Variants in NTNG1 observed in about 807,000 individuals in gnomAD.
NTNG1 encodes the protein netrin-G1.
In NTNG1, 16 loss-of-function variants were observed where a neutral mutation model predicts 54.0. That is an observed-to-expected ratio of 0.30 (90% CI 0.20 to 0.45). The LOEUF (loss-of-function observed/expected upper bound fraction) is 0.45. Ranked by LOEUF, NTNG1 falls within the 20% of genes least tolerant of loss-of-function variation. NTNG1 has a pLI of 1.00. For missense variants in NTNG1, 530 were observed against 678.7 expected, an observed-to-expected ratio of 0.78 and a Z score of 2.43; for synonymous variants, 255 against 263.1, an observed-to-expected ratio of 0.97 and a Z score of 0.30.
chr1:107,148,064 A>G lies in NTNG1; in HGVS notation c.-525-5A>G, dbSNP rs574594063. On this transcript the variant is annotated splice_polypyrimidine_tract_variant and splice_region_variant and intron_variant, in intron 1 of 7. Coordinates refer to ENST00000370068, the MANE Select transcript of NTNG1 (RefSeq NM_001113226.3). ...AATAACACTTACTCTTATTGTTTCT[A>G]AAAGGGTGTTGGTGCCAGAAGAAAA... 6.5e-6 allele frequency: 1 copy of G among 154,894 alleles called. No individual in the cohort carries two copies. Among genetic ancestry groups the G allele is most frequent in the South Asian group, 2.0e-4 (1 of 4,996 alleles). 9.6% of individuals were successfully genotyped at this position (154,894 alleles called of 1,614,324 possible).
At chr1:107,373,705 AT>A (rs541295759) in intron 3 of NTNG1, among the ~76,000 whole-genome samples, 5 of 135,958 alleles carry the variant, frequency 3.7e-5, no homozygotes, top group Non-Finnish European at 6.4e-5. Flanking sequence ...TTATTTATTT[AT>A]TTTTTTTCAA....
intron 2 of NTNG1, among the ~76,000 whole-genome samples, chr1:107,276,677 T>C (rs1187399786): frequency 6.6e-6 from 1 of 152,108 alleles, no homozygotes; most frequent in Non-Finnish European, 1.5e-5. Context: ...ATTCAATCTC[T>C]GTATCTTAAG....
chr1:107,146,817 C>G (rs1169430480), intron 1 of NTNG1, among the ~76,000 whole-genome samples: 1 of 151,850 alleles, frequency 6.6e-6, no homozygotes, highest in African/African-American at 2.4e-5. Context: ...ATTTCATAGT[C>G]TCTGTGGCTT....
intron 2 of NTNG1, among the ~76,000 whole-genome samples, chr1:107,183,824 C>A (rs1570785342): frequency 6.6e-6 from 1 of 152,112 alleles, no homozygotes; most frequent in East Asian, 1.9e-4. Context: ...TAGCCCCCTT[C>A]CCCCAAAACT....
chr1:107,372,489 G>A (rs1181039662), intron 3 of NTNG1, among the ~76,000 whole-genome samples: 2 of 151,982 alleles, frequency 1.3e-5, no homozygotes, highest in African/African-American at 4.8e-5. Context: ...ACATTTTTCT[G>A]TTATGAATTT....
Position 107,477,630 on chromosome 1 carries a change from C to T in NTNG1, c.1391-2981C>T, listed in dbSNP as rs201603730. ...CCTGATGAATGCCTTTGCTCAAATACAATCTCTTTTTTATAATCTCCCTTA... is the reference window on the plus strand; with the variant it reads ...CCTGATGAATGCCTTTGCTCAAATATAATCTCTTTTTTATAATCTCCCTTA... On this transcript the variant is annotated intron_variant, in intron 7 of 7. Coordinates refer to ENST00000370068, the MANE Select transcript of NTNG1 (RefSeq NM_001113226.3). Among the ~76,000 whole-genome samples the T allele has an allele frequency of 2.0e-5, 3 of 152,200 alleles. No individual in the cohort carries two copies. The East Asian group carries it at 5.8e-4, about 29-fold the overall frequency.
At chr1:107,294,325 A>C (rs985803660) in intron 2 of NTNG1, among the ~76,000 whole-genome samples, 1 of 152,186 alleles carries the variant, frequency 6.6e-6, no homozygotes, top group African/African-American at 2.4e-5. Context: ...CCTAGGCTAC[A>C]GCATGGTATG....
In NTNG1 at chr1:107,324,397, C is replaced by A; in HGVS notation, c.362C>A (p.Ala121Asp). 6.2e-7 allele frequency: 1 copy of A among 1,613,798 alleles called. No homozygotes were observed. The highest frequency in any genetic ancestry group is 8.5e-7 in the Non-Finnish European group (1 of 1,179,800). ...CATCCCTCCACATTTTGGCAGTCTG[C>A]CACTTGGAAGGAGTATCCCAAGCCT... ...GRHPSTFWQSATWKEYPKPLQ... is the reference protein window; with the variant it reads ...GRHPSTFWQSDTWKEYPKPLQ... Residue 121 changes from alanine (A) to aspartate (D), a missense_variant, in exon 3 of 8, where the codon GCC becomes GAC. Around this residue, in one of 2 missense-constraint regions of NTNG1, gnomAD observed 318 missense variants for 465.1 expected, o/e 0.68. Coordinates refer to ENST00000370068, the MANE Select transcript of NTNG1 (RefSeq NM_001113226.3).
At position 107,325,814 on chromosome 1, in the gene NTNG1, G is replaced by A. The variant is rs12021629; in HGVS notation, c.887+892G>A. Among the ~76,000 whole-genome samples the A allele has an allele frequency of 6.8e-4, 104 of 152,072 alleles. 3 individuals carry two copies. In the East Asian group the frequency reaches 0.019, roughly 27 times the overall value. On this transcript the variant is annotated intron_variant, in intron 3 of 7. Transcript: ENST00000370068. ...AGCAGAGTATCTAGCAAAGGGAAAG[G>A]CAAGCAAAGAAATAACACCCCAGTA...
intron 3 of NTNG1, among the ~76,000 whole-genome samples, chr1:107,377,371 A>G (rs1199738043): frequency 2.0e-5 from 3 of 152,184 alleles, no homozygotes; most frequent in Non-Finnish European, 4.4e-5. Flanking sequence ...TTATCCCTCT[A>G]AAGCCCACCT....
intron 2 of NTNG1, among the ~76,000 whole-genome samples, chr1:107,211,362 AAT>A (rs1484823043): frequency 1.3e-5 from 2 of 152,258 alleles, no homozygotes; most frequent in African/African-American, 4.8e-5. Context: ...TGTAATATAT[AAT>A]ATATATTTGA....
At chr1:107,469,097 CAAAAAAAA>C (rs35394442) in intron 7 of NTNG1, among the ~76,000 whole-genome samples, 1 of 115,640 alleles carries the variant, frequency 8.6e-6, no homozygotes, top group Non-Finnish European at 1.7e-5. Flanking sequence ...AACTCCATTT[CAAAAAAAA>C]AAAAAAAAAA....
At chr1:107,375,183 T>C (rs1671155274) in intron 3 of NTNG1, among the ~76,000 whole-genome samples, 1 of 152,160 alleles carries the variant, frequency 6.6e-6, no homozygotes, top group African/African-American at 2.4e-5. Context: ...GCAATTCTTT[T>C]CTCTCCAGTA....
chr1:107,348,316 G>A (rs920025991), intron 3 of NTNG1, among the ~76,000 whole-genome samples: 3 of 151,984 alleles, frequency 2.0e-5, no homozygotes, highest in Non-Finnish European at 4.4e-5. Context: ...AGAAGAGACG[G>A]CGTTTTGCCA....
intron 2 of NTNG1, among the ~76,000 whole-genome samples, chr1:107,171,232 G>A (rs529497771): frequency 3.9e-5 from 6 of 151,956 alleles, no homozygotes; most frequent in African/African-American, 7.2e-5. Flanking sequence ...TTTGAGTTGA[G>A]TTTCAACACA....
At chr1:107,427,985 T>C (rs753342597) in intron 5 of NTNG1, among the ~76,000 whole-genome samples, 4 of 152,174 alleles carry the variant, frequency 2.6e-5, no homozygotes, top group Admixed American at 6.6e-5. Context: ...TCTTAAACTG[T>C]TGAACTTGGG....
chr1:107,434,740 C>T (rs1251053547), intron 6 of NTNG1, among the ~76,000 whole-genome samples: 5 of 152,248 alleles, frequency 3.3e-5, no homozygotes, highest in East Asian at 1.9e-4. Context: ...AGGTATTTTA[C>T]GTTGCTTTGT....
intron 2 of NTNG1, among the ~76,000 whole-genome samples, chr1:107,181,264 T>C (rs1657040785): frequency 1.3e-5 from 2 of 152,102 alleles, no homozygotes; most frequent in African/African-American, 4.8e-5. Context: ...TGACAGTGAG[T>C]TCTAAATAAA....
chr1:107,368,000 C>T (rs1032003209), intron 3 of NTNG1, among the ~76,000 whole-genome samples: 1 of 152,002 alleles, frequency 6.6e-6, no homozygotes, highest in Non-Finnish European at 1.5e-5. Context: ...GACCTCAACC[C>T]GCCTGCCTCG....
Sources: gnomAD v4.1 joint callset for allele counts (sites outside exome capture counted in the v4.1 genomes callset) on GRCh38, gnomAD v4.1.1 for gene constraint, gnomAD v4.1.1 regional missense constraint, MANE v1.5 for transcripts, NCBI Gene and HGNC (gene_info 2026-07-23, HGNC 2026-07-21) for gene names.